The following IMMT variants were observed in gnomAD, a reference collection of about 807,000 sequenced individuals.
The protein encoded by IMMT is inner membrane mitochondrial protein.
In IMMT, 40 loss-of-function variants were observed where a neutral mutation model predicts 92.7. The ratio of observed to expected loss-of-function variants is 0.43; its 90% CI spans 0.34 to 0.56. The LOEUF (loss-of-function observed/expected upper bound fraction) is 0.56. Ranked by LOEUF, IMMT falls within the 20% of genes least tolerant of loss-of-function variation. The pLI is 0.03. For missense variants in IMMT, 831 were observed against 912.1 expected, an observed-to-expected ratio of 0.91 and a Z score of 1.14; for synonymous variants, 322 against 336.1, an observed-to-expected ratio of 0.96 and a Z score of 0.46.
intron 13 of IMMT, among the ~76,000 whole-genome samples, chr2:86,147,161 CATTA>C (rs1177781095): frequency 6.6e-6 from 1 of 152,152 alleles, no homozygotes; most frequent in Non-Finnish European, 1.5e-5. Flanking sequence ...AGAGCTTATA[CATTA>C]ATTTTTCTCA....
Position 86,144,542 on chromosome 2 carries a change from A to T in IMMT, c.2003T>A (p.Leu668Gln). 1 of 1,614,058 alleles carries T rather than the reference A, an allele frequency of 6.2e-7. No individual in the cohort carries two copies. The highest frequency in any genetic ancestry group is 8.5e-7 in the Non-Finnish European group (1 of 1,179,906). ...CGGCTTCAGTTGCTGAGGTGGGAAT[A>T]GGAGCAGGGACTGTAGGTAGGAGAG... The part of the protein sequence containing the change: ...YFLSYLQSLL[L>Q]FPPQQLKPPP... The change falls in exon 15 of 15, where the codon CTA (leucine) becomes CAA (glutamine). Residue 668 changes from leucine (L) to glutamine (Q), a missense_variant. Transcript: ENST00000410111.
In IMMT at chr2:86,152,457, A is replaced by AAAAAAG. The variant is rs1242798734; in HGVS notation, c.1178-938_1178-937insCTTTTT. On this transcript the variant is annotated intron_variant, in intron 11 of 14. Coordinates refer to ENST00000410111, the MANE Select transcript of IMMT (RefSeq NM_006839.3). ...CTCCATCTCAAAAAAAAAAAAAAAA[A>AAAAAAG]AGAGAGAATTATGGCTCCACCGGCC... Among the ~76,000 whole-genome samples the AAAAAAG allele has an allele frequency of 2.1e-4, 32 of 149,814 alleles. 1 individual carries two copies. Among genetic ancestry groups the AAAAAAG allele is most frequent in the African/African-American group, 7.6e-4 (31 of 40,922 alleles).
At chr2:86,176,175 T>C (rs867372974) in intron 3 of IMMT, among the ~76,000 whole-genome samples, 7 of 152,204 alleles carry the variant, frequency 4.6e-5, no homozygotes, top group South Asian at 2.1e-4. Context: ...GGCCAGTTCC[T>C]AGGCTGACAT....
intron 12 of IMMT, among the ~76,000 whole-genome samples, chr2:86,148,761 CAAAT>C (rs1473439102): frequency 1.3e-5 from 2 of 152,130 alleles, no homozygotes. Flanking sequence ...CCTTGCCTAA[CAAAT>C]AGCCATAGGT....
At position 86,171,257 on chromosome 2, in the gene IMMT, T is replaced by A. The variant is rs1677062864; in HGVS notation, c.510A>T (p.Lys170Asn). ...APAVQPEESL[K>N]TDHPEIGEGK... ...CTTCACCAATTTCAGGGTGATCAGT[T>A]TTTAAAGATTCCTCAGGCTGAACTG... Residue 170 changes from lysine to asparagine, a missense_variant, in exon 5 of 15, where the codon AAA becomes AAT. Lys to Asn is a moderately conservative substitution (Grantham distance 94). Coordinates refer to ENST00000410111, the MANE Select transcript of IMMT (RefSeq NM_006839.3). 2.5e-6 allele frequency: 4 copies of A among 1,606,112 alleles called. No individual in the cohort carries two copies. Among genetic ancestry groups the A allele is most frequent in the Middle Eastern group, 1.7e-4 (1 of 6,056 alleles).
At chr2:86,146,006 A>G (rs1674974816) in intron 14 of IMMT, 62 bp downstream of exon 14, 1 of 1,322,696 alleles carries the variant, frequency 7.6e-7, no homozygotes. Context: ...TTCCCTATAA[A>G]ATTATTTTGA....
intron 4 of IMMT, among the ~76,000 whole-genome samples, chr2:86,172,830 AC>A (rs1677187830): frequency 6.6e-6 from 1 of 151,498 alleles, no homozygotes; most frequent in African/African-American, 2.4e-5. Flanking sequence ...TACATGACTT[AC>A]CCCCCTTATC....
At chr2:86,166,722 T>C in intron 6 of IMMT, 78 bp from the exon 7 acceptor site, 2 of 1,332,380 alleles carry the variant, frequency 1.5e-6, no homozygotes, top group Non-Finnish European at 2.0e-6. Context: ...TTCTCCTATC[T>C]AGTCTTCCAT....
intron 8 of IMMT, among the ~76,000 whole-genome samples, chr2:86,161,318 C>T (rs937469040): frequency 3.3e-5 from 5 of 151,890 alleles, no homozygotes; most frequent in South Asian, 4.2e-4. Context: ...CATGCCACCA[C>T]GCCTGGCTAA....
chr2:86,183,574 T>C (rs912075796), intron 1 of IMMT, among the ~76,000 whole-genome samples: 1 of 152,132 alleles, frequency 6.6e-6, no homozygotes, highest in Non-Finnish European at 1.5e-5. Context: ...AAATCTGAGG[T>C]TTTAAATAAT....
intron 14 of IMMT, among the ~76,000 whole-genome samples, chr2:86,145,861 G>A (rs572094241): frequency 6.6e-6 from 1 of 152,146 alleles, no homozygotes; most frequent in South Asian, 2.1e-4. Flanking sequence ...CCTTGTAAAT[G>A]GTGATTTTGT....
At chr2:86,164,074 T>TTTTTTG (rs869251997) in intron 7 of IMMT, among the ~76,000 whole-genome samples, 1 of 116,270 alleles carries the variant, frequency 8.6e-6, no homozygotes, top group Non-Finnish European at 1.9e-5. Flanking sequence ...TTTTTTTTTT[T>TTTTTTG]GAGATGGAGT....
intron 3 of IMMT, among the ~76,000 whole-genome samples, chr2:86,178,507 T>C (rs1573933078): frequency 7.0e-6 from 1 of 142,370 alleles, no homozygotes; most frequent in Non-Finnish European, 1.5e-5. Context: ...CCGCCTATAA[T>C]CCCAGCTACT....
chr2:86,183,446 G>A (rs1672558650), intron 1 of IMMT, among the ~76,000 whole-genome samples: 1 of 152,040 alleles, frequency 6.6e-6, no homozygotes, highest in African/African-American at 2.4e-5. Flanking sequence ...CCCAGCATCA[G>A]TATTTTTAAA....
At chr2:86,149,977 G>A (rs926859241) in intron 12 of IMMT, among the ~76,000 whole-genome samples, 2 of 152,102 alleles carry the variant, frequency 1.3e-5, no homozygotes, top group Non-Finnish European at 2.9e-5. Context: ...GGACAGATTT[G>A]GGATTTATGT....
At chr2:86,153,627 T>C (rs1039604318) in intron 10 of IMMT, 53 bp from the exon 11 acceptor site, 11 of 1,137,646 alleles carry the variant, frequency 9.7e-6, no homozygotes, top group Non-Finnish European at 1.2e-5. Flanking sequence ...CATACTTTAG[T>C]TATTGATCAT....
Position 86,173,657 on chromosome 2 carries a change from T to C in IMMT, c.414A>G (p.Ser138=). 2 of 1,550,914 alleles carry C rather than the reference T, an allele frequency of 1.3e-6. No homozygotes were observed. The highest frequency in any genetic ancestry group is 1.1e-5 in the South Asian group (1 of 88,928). The part of the protein sequence containing the change: ...LQKQKGDTPA[S]ATAPTEAAQI... ...GGTTCAAAATATAAGTACCTGTTGC[T>C]GAAGCTGGAGTATCTCCCTTTTGTT... The change falls in exon 4 of 15, where the codon TCA becomes TCG. Residue 138 remains serine (S), a synonymous_variant. Transcript: ENST00000410111.
At chr2:86,159,872 A>T (rs1676142447) in intron 8 of IMMT, 1 of 376,886 alleles carries the variant, frequency 2.7e-6, no homozygotes, top group Non-Finnish European at 4.7e-6. Context: ...TGGACAACAT[A>T]GGGAAACCAT....
chr2:86,161,286 C>T (rs561800478), intron 8 of IMMT, among the ~76,000 whole-genome samples: 10 of 151,984 alleles, frequency 6.6e-5, no homozygotes, highest in South Asian at 2.1e-4. Context: ...CTCAGCCTCC[C>T]GAGTCGCTGG....
Sources: allele counts gnomAD v4.1 joint callset (sites outside exome capture counted in the v4.1 genomes callset), GRCh38; gene constraint gnomAD v4.1.1; transcripts MANE v1.5; gene names NCBI Gene and HGNC (gene_info 2026-07-23, HGNC 2026-07-21).